Variants in DNHD1 observed in about 807,000 individuals in gnomAD.
DNHD1 encodes the protein dynein heavy chain domain 1.
In DNHD1, 383 loss-of-function variants were observed where a neutral mutation model predicts 458.1. The ratio of observed to expected loss-of-function variants is 0.84; its 90% CI spans 0.77 to 0.91. The LOEUF is 0.91. DNHD1 is among the 40% of genes least tolerant of loss of function. The probability of loss-of-function intolerance (pLI) is 0.00; values close to 1 mark genes in which losing one functional copy is unlikely to be tolerated. For missense variants in DNHD1, 5,336 were observed against 5,866.1 expected (o/e 0.91, Z 2.95); for synonymous variants, 2,203 against 2,376.9 (o/e 0.93, Z 2.13).
intron 7 of DNHD1, among the ~76,000 whole-genome samples, chr11:6,512,012 G>A (rs927889068): frequency 1.3e-5 from 2 of 151,722 alleles, no homozygotes; most frequent in Non-Finnish European, 2.9e-5. Flanking sequence ...TAGATAGTCC[G>A]GTTCTGAGAG....
chr11:6,543,974 A>T, intron 18 of DNHD1, 147 bp from the exon 19 acceptor site: 1 of 754,650 alleles, frequency 1.3e-6, no homozygotes, highest in Non-Finnish European at 2.0e-6. Context: ...AAAAAAAAAA[A>T]AAAAAAAAAA....
rs1418715477 is a variant in DNHD1 at position 6,557,161 on chromosome 11, C to G, written c.7866C>G (p.His2622Gln). 2 of 1,551,746 alleles carry G rather than the reference C, an allele frequency of 1.3e-6. No individual in the cohort carries two copies. Among genetic ancestry groups the G allele is most frequent in the Non-Finnish European group, 1.7e-6 (2 of 1,147,012 alleles). The change falls in exon 25 of 43, where the codon CAC (histidine) becomes CAG (glutamine). Residue 2622 changes from histidine to glutamine, a missense_variant. Physicochemically the swap from His to Gln is conservative, Grantham distance 24 (BLOSUM62 0). Around this residue, in one of 4 missense-constraint regions of DNHD1, gnomAD observed 3,932 missense variants for 4,365.6 expected, o/e 0.90. Transcript: ENST00000254579. ...GFVDYPNHQE[H>Q]LRRVSGLRGT... ...TGGACTATCCCAACCACCAGGAGCA[C>G]TTGCGCCGGGTGTCAGGCCTGCGAG...
At chr11:6,554,448 CAA>C (rs2134441737) in intron 24 of DNHD1, among the ~76,000 whole-genome samples, 1 of 152,104 alleles carries the variant, frequency 6.6e-6, no homozygotes, top group South Asian at 2.1e-4. Flanking sequence ...TAAATTTTAT[CAA>C]AATTGAAAAC....
Position 6,557,431 on chromosome 11 carries a change from G to A in DNHD1, c.8136G>A (p.Gly2712=). 6.4e-7 allele frequency: 1 copy of A among 1,551,432 alleles called. No individual in the cohort carries two copies. Among genetic ancestry groups the A allele is most frequent in the Non-Finnish European group, 8.7e-7 (1 of 1,147,084 alleles). ...EERVPEVESE[G]ELAQWEDFSN... ...GGGTGCCCGAAGTAGAATCTGAAGG[G>A]GAGTTGGCCCAGTGGGAGGACTTCA... The change falls in exon 25 of 43, where the codon GGG becomes GGA. Residue 2712 remains glycine (G), a synonymous_variant. Transcript: ENST00000254579.
In DNHD1 at chr11:6,567,758, G is replaced by C. The variant is rs1853741935; in HGVS notation, c.12249G>C (p.Gln4083His). ...YAPTMPFKHS[Q>H]ATQPMLILLP... The stretch of plus-strand genomic sequence containing the variant: ...CCACCATGCCCTTTAAACATAGTCA[G>C]GCTACTCAGCCCATGCTGATCTTGT... The change falls in exon 36 of 43, where the codon CAG (glutamine) becomes CAC (histidine). Residue 4083 changes from glutamine (Q) to histidine (H), a missense_variant. Physicochemically the swap from Gln to His is conservative, Grantham distance 24. Coordinates refer to ENST00000254579, the MANE Select transcript of DNHD1 (RefSeq NM_144666.3). 1.2e-6 allele frequency: 2 copies of C among 1,613,958 alleles called. No individual in the cohort carries two copies. The highest frequency in any genetic ancestry group is 4.5e-5 in the East Asian group (2 of 44,878).
rs1392532540 is a variant in DNHD1 at position 6,547,531 on chromosome 11, G to T, written c.6592G>T (p.Val2198Phe). The part of the protein sequence containing the change: ...ATLRFLTCQG[V>F]SSLLQVHGQQ... The stretch of plus-strand genomic sequence containing the variant: ...ATTGCGATTCCTCACCTGCCAAGGT[G>T]TCAGCTCTCTGCTGCAGGTACACGG... The change falls in exon 21 of 43, where the codon GTC becomes TTC. Residue 2198 changes from valine to phenylalanine, a missense_variant. Around this residue, in one of 4 missense-constraint regions of DNHD1, gnomAD observed 3,932 missense variants for 4,365.6 expected, o/e 0.90. Transcript: ENST00000254579. The T allele has an allele frequency of 6.4e-7, 1 of 1,551,370 alleles. No homozygotes were observed. Among genetic ancestry groups the T allele is most frequent in the Admixed American group, 2.0e-5 (1 of 51,010 alleles).
chr11:6,547,772 G>A, intron 21 of DNHD1, 91 bp from the exon 22 acceptor site: 2 of 1,509,392 alleles, frequency 1.3e-6, no homozygotes, highest in Non-Finnish European at 1.8e-6. Flanking sequence ...TGGGCCAGGA[G>A]TGAAAAGTAA....
At chr11:6,522,279 C>G (rs1193328318) in intron 10 of DNHD1, among the ~76,000 whole-genome samples, 1 of 152,022 alleles carries the variant, frequency 6.6e-6, no homozygotes, top group Admixed American at 6.6e-5. Context: ...ATTTTCTCCC[C>G]TTCTGTAGGT....
intron 28 of DNHD1, among the ~76,000 whole-genome samples, chr11:6,559,500 G>A (rs931184396): frequency 1.3e-5 from 2 of 152,194 alleles, no homozygotes; most frequent in Non-Finnish European, 2.9e-5. Context: ...CATAACAGGT[G>A]AAACCCAAGC....
At chr11:6,547,793 C>CT (rs776215839) in intron 21 of DNHD1, 70 bp from the exon 22 acceptor site, 271 of 1,535,098 alleles carry the variant, frequency 1.8e-4, no homozygotes, top group Non-Finnish European at 2.3e-4. Flanking sequence ...TACTGTCAAC[C>CT]TTTTTTCTTT....
Position 6,568,669 on chromosome 11 carries a change from G to A in DNHD1, c.12666G>A (p.Val4222=), listed in dbSNP as rs145789954. 2.3e-5 allele frequency: 37 copies of A among 1,613,908 alleles called. No individual in the cohort carries two copies. In the East Asian group the frequency reaches 8.2e-4, roughly 36 times the overall value. Residue 4222 remains valine, a synonymous_variant, in exon 39 of 43, where the codon GTG becomes GTA. Transcript: ENST00000254579. The part of the protein sequence containing the change: ...PAESSASLPA[V]LTQHSMPVFW... The stretch of plus-strand genomic sequence containing the variant: ...AGCACTCTCCTTCCTCCCCAGCTGT[G>A]CTGACTCAGCACTCCATGCCTGTTT...
rs1458859178 is a variant in DNHD1, at chr11:6,532,892, G to A, written c.2348-135G>A. ...AGCAGCTGACTGGACATTGAGCAGG[G>A]ATTCAACAAGCATTAAATGAGATAA... is the stretch of plus-strand genomic sequence containing the variant. On this transcript the variant is annotated intron_variant, in intron 12 of 42. Transcript: ENST00000254579. 4 of 806,088 alleles carry A rather than the reference G, an allele frequency of 5.0e-6. No homozygotes were observed. The South Asian group carries it at 5.3e-5, about 11-fold the overall frequency. 49.9% of individuals were successfully genotyped at this position (806,088 alleles called of 1,614,324 possible).
Position 6,505,506 on chromosome 11 carries a change from G to A in DNHD1, c.920+2580G>A, listed in dbSNP as rs1197269974. Among the ~76,000 whole-genome samples, 8 of 152,088 alleles carry A rather than the reference G, an allele frequency of 5.3e-5. No individual in the cohort carries two copies. The highest frequency in any genetic ancestry group is 4.6e-4 in the Admixed American group (7 of 15,264). Reference sequence around the variant, plus strand: ...GGCTTCAAGTGATCCACCCACCTCAGCCTCCCAAAGTGCTGGGATTACAGG... The same window carrying A: ...GGCTTCAAGTGATCCACCCACCTCAACCTCCCAAAGTGCTGGGATTACAGG... On this transcript the variant is annotated intron_variant, in intron 4 of 42. Coordinates refer to ENST00000254579, the MANE Select transcript of DNHD1 (RefSeq NM_144666.3). The surrounding 1 kb of genome is among the most constrained non-coding windows in gnomAD (Gnocchi z 4.4).
intron 12 of DNHD1, among the ~76,000 whole-genome samples, chr11:6,531,970 C>T (rs1158359579): frequency 6.6e-6 from 1 of 152,056 alleles, no homozygotes; most frequent in African/African-American, 2.4e-5. Flanking sequence ...GAGTCTGAAT[C>T]CTTGCTCTGC....
At position 6,567,125 on chromosome 11, in the gene DNHD1, A is replaced by G; in HGVS notation, c.11616A>G (p.Pro3872=). 6.2e-7 allele frequency: 1 copy of G among 1,614,038 alleles called. No individual in the cohort carries two copies. Among genetic ancestry groups the G allele is most frequent in the Non-Finnish European group, 8.5e-7 (1 of 1,179,894 alleles). The change falls in exon 36 of 43, where the codon CCA becomes CCG. Residue 3872 remains proline (P), a synonymous_variant. Transcript: ENST00000254579. ...KALSQLQNLL[P]LFCMSPENWL... is the part of the protein sequence containing the mutation. The stretch of plus-strand genomic sequence containing the variant: ...TAAGCCAACTGCAGAACCTGCTGCC[A>G]CTTTTCTGTATGAGCCCAGAGAACT...
At chr11:6,509,127 G>C in intron 5 of DNHD1, 35 bp from the exon 6 acceptor site, 1 of 1,614,042 alleles carries the variant, frequency 6.2e-7, no homozygotes, top group South Asian at 1.1e-5. Context: ...ATGGATGACA[G>C]CAACAGTATA....
At chr11:6,533,270 A>G in intron 13 of DNHD1, 86 bp downstream of exon 13, 2 of 1,332,444 alleles carry the variant, frequency 1.5e-6, no homozygotes, top group Non-Finnish European at 2.0e-6. Flanking sequence ...GTCTCTGCTG[A>G]GCCCCCAGCA....
Position 6,546,128 on chromosome 11 carries a change from T to C in DNHD1, c.5189T>C (p.Leu1730Pro). 1.3e-6 allele frequency: 2 copies of C among 1,551,434 alleles called. No homozygotes were observed. Among genetic ancestry groups the C allele is most frequent in the African/African-American group, 2.7e-5 (2 of 73,184 alleles). ...QCLSNYLNGALQGGAWLLLEK... is the reference protein window; with the variant it reads ...QCLSNYLNGAPQGGAWLLLEK... ...CTGAGCAACTATCTGAATGGTGCCCTGCAGGGTGGTGCCTGGCTGCTGTTG... is the reference window on the plus strand; with the variant it reads ...CTGAGCAACTATCTGAATGGTGCCCCGCAGGGTGGTGCCTGGCTGCTGTTG... Residue 1730 changes from leucine to proline, a missense_variant, in exon 21 of 43, where the codon CTG becomes CCG. Physicochemically the swap from Leu to Pro is moderately conservative, Grantham distance 98. Transcript: ENST00000254579.
intron 4 of DNHD1, chr11:6,503,745 A>G (rs1852181560): frequency 6.6e-6 from 1 of 152,214 alleles, no homozygotes. Context: ...CCAAATTGCC[A>G]GAATTACAGG....
Sources: gnomAD v4.1 joint callset for allele counts (sites outside exome capture counted in the v4.1 genomes callset) on GRCh38, gnomAD v4.1.1 for gene constraint, gnomAD v4.1.1 regional missense constraint, Gnocchi (gnomAD v3.1) non-coding constraint, MANE v1.5 for transcripts, NCBI Gene and HGNC (gene_info 2026-07-23, HGNC 2026-07-21) for gene names.